Variants in PCDHGA10 observed in about 807,000 individuals in gnomAD.
PCDHGA10 encodes the protein protocadherin gamma subfamily A, 10, also known as protocadherin gamma-A10.
In PCDHGA10, 42 loss-of-function variants were observed where a neutral mutation model predicts 59.5. The ratio of observed to expected loss-of-function variants is 0.71; its 90% CI spans 0.55 to 0.91. The LOEUF (loss-of-function observed/expected upper bound fraction) is 0.91, where lower values mean the gene tolerates loss of function less well. Ranked by LOEUF, PCDHGA10 falls within the 40% of genes least tolerant of loss-of-function variation. The pLI is 0.00. For missense variants in PCDHGA10, 1,111 were observed against 1,198.2 expected, an observed-to-expected ratio of 0.93 and a Z score of 1.07; for synonymous variants, 511 against 517.2, an observed-to-expected ratio of 0.99 and a Z score of 0.16.
At chr5:141,484,054 G>A (rs1192214731) in intron 1 of PCDHGA10, among the ~76,000 whole-genome samples, 4 of 152,044 alleles carry the variant, frequency 2.6e-5, no homozygotes, top group African/African-American at 9.7e-5. Flanking sequence ...AGGTCCCCTG[G>A]GGCTAAGTGA....
At chr5:141,468,330 C>CAAAAA (rs533390277) in intron 1 of PCDHGA10, 4 of 79,848 alleles carry the variant, frequency 5.0e-5, no homozygotes, top group African/African-American at 7.8e-5. Context: ...AACTCCATCT[C>CAAAAA]AAAAAAAAAA....
chr5:141,486,100 C>G lies in PCDHGA10; in HGVS notation c.2437-8707C>G. Reference sequence around the variant, plus strand: ...AGCTTACTCTTTTGGGGCCCCTAGACTTTGAGAGTGAGAATTACTATGAAT... The same window carrying G: ...AGCTTACTCTTTTGGGGCCCCTAGAGTTTGAGAGTGAGAATTACTATGAAT... On this transcript the variant is annotated intron_variant, in intron 1 of 3. Transcript: ENST00000398610. This position sits in a 1 kb window ranked among gnomAD's most constrained non-coding sequence, Gnocchi z 5.0. 1 of 1,614,190 alleles carries G rather than the reference C, an allele frequency of 6.2e-7. No individual in the cohort carries two copies. The highest frequency in any genetic ancestry group is 1.1e-5 in the South Asian group (1 of 91,086).
rs978782104 is a variant in PCDHGA10 at position 141,431,445 on chromosome 5, G to C, written c.2436+15834G>C. 1 of 1,613,742 alleles carries C rather than the reference G, an allele frequency of 6.2e-7. No homozygotes were observed. On this transcript the variant is annotated intron_variant, in intron 1 of 3. Transcript: ENST00000398610. This position sits in a 1 kb window ranked among gnomAD's most constrained non-coding sequence, Gnocchi z 4.8. ...GTGCGCACAGGCACCGCGCGCATCC[G>C]CGTGATGGTTCTGGATGCGAACGAC...
chr5:141,474,993 C>A (rs1313232385), intron 1 of PCDHGA10, among the ~76,000 whole-genome samples: 24 of 152,324 alleles, frequency 1.6e-4, no homozygotes. Context: ...GACAACAATT[C>A]TAAATGCAGA....
intron 1 of PCDHGA10, among the ~76,000 whole-genome samples, chr5:141,457,920 C>T (rs1340816332): frequency 6.6e-6 from 1 of 150,868 alleles, no homozygotes; most frequent in Non-Finnish European, 1.5e-5. Flanking sequence ...GCCAGTTCTC[C>T]CCAAGGGGCT....
chr5:141,421,280 G>T (rs564480755), intron 1 of PCDHGA10: 1 of 1,612,948 alleles, frequency 6.2e-7, no homozygotes, highest in African/African-American at 1.3e-5. Context: ...CTGCTGCTGT[G>T]CATTTTCCTG....
chr5:141,494,820 AC>A lies in PCDHGA10; in HGVS notation c.2451del (p.Asn817LysfsTer39). 6.2e-7 allele frequency: 1 copy of A among 1,613,988 alleles called. No homozygotes were observed. The highest frequency in any genetic ancestry group is 2.2e-5 in the East Asian group (1 of 44,874). On this transcript the variant is annotated frameshift_variant, in exon 2 of 4. Coordinates refer to ENST00000398610, the MANE Select transcript of PCDHGA10 (RefSeq NM_018913.3). LOFTEE classifies it high-confidence loss of function. ...TTTTCTCCACAGCAAGCCCCGCCCA[AC>A]ACGGACTGGCGTTTCTCTCAGGCCC... ...DTPLVPQAPP[N>X]TDWRFSQAQR...
rs1342473418 is a variant in PCDHGA10, at chr5:141,477,702, A to G, written c.2437-17105A>G. On this transcript the variant is annotated intron_variant, in intron 1 of 3. Transcript: ENST00000398610. The surrounding 1 kb of genome is among the most constrained non-coding windows in gnomAD (Gnocchi z 4.9). Reference sequence around the variant, plus strand: ...TCCTTAGTGCCCCTAGACTATGAGGATCGGCGGGAATTTGAATTAACAGCT... The same window carrying G: ...TCCTTAGTGCCCCTAGACTATGAGGGTCGGCGGGAATTTGAATTAACAGCT... The G allele has an allele frequency of 1.9e-6, 3 of 1,613,924 alleles. No individual in the cohort carries two copies. Among genetic ancestry groups the G allele is most frequent in the Non-Finnish European group, 2.5e-6 (3 of 1,180,044 alleles).
Position 141,422,179 on chromosome 5 carries a change from A to G in PCDHGA10, c.2436+6568A>G, listed in dbSNP as rs757086661. The G allele has an allele frequency of 2.0e-5, 32 of 1,562,402 alleles. No homozygotes were observed. Among genetic ancestry groups the G allele is most frequent in the Non-Finnish European group, 2.6e-5 (30 of 1,159,048 alleles). ...TTTTGAAAAATATAGATTCTATGAG[A>G]TGGAAATTCAAGGCCAAGATGGTGG... is the stretch of plus-strand genomic sequence containing the variant. On this transcript the variant is annotated intron_variant, in intron 1 of 3. Coordinates refer to ENST00000398610, the MANE Select transcript of PCDHGA10 (RefSeq NM_018913.3).
Position 141,476,901 on chromosome 5 carries a change from G to A in PCDHGA10, c.2437-17906G>A, listed in dbSNP as rs1466086788. The A allele has an allele frequency of 1.9e-6, 3 of 1,613,782 alleles. No individual in the cohort carries two copies. The African/African-American group carries it at 4.0e-5, about 22-fold the overall frequency. On this transcript the variant is annotated intron_variant, in intron 1 of 3. Coordinates refer to ENST00000398610, the MANE Select transcript of PCDHGA10 (RefSeq NM_018913.3). The surrounding 1 kb of genome is among the most constrained non-coding windows in gnomAD (Gnocchi z 7.6). ...CTGGAGGATGCACCCTCCGGCACGC[G>A]CGTGGTACAAGTCCTTGCAACGGAT...
rs200519543 is a variant in PCDHGA10, at chr5:141,439,190, C to CAA, written c.2436+23593_2436+23594dup. 3.7e-3 allele frequency among the ~76,000 whole-genome samples: 409 copies of CAA among 111,790 alleles called. 4 individuals are homozygous for CAA. The highest frequency in any genetic ancestry group is 0.029 in the East Asian group (112 of 3,852). The allele number at this position is 111,790 out of a possible 152,430, so 73.3% of individuals were successfully genotyped here. A position where few individuals can be genotyped will look rare whatever the true frequency, so the allele number is the denominator to read the frequency against. On this transcript the variant is annotated intron_variant, in intron 1 of 3. Transcript: ENST00000398610. Reference sequence around the variant, plus strand: ...CCTGGGCGACATAGTGAGACTCTGACAAAAAAAAAAAAAAATCCATATGTG... The same window carrying CAA: ...CCTGGGCGACATAGTGAGACTCTGACAAAAAAAAAAAAAAAAATCCATATGTG...
At position 141,432,370 on chromosome 5, in the gene PCDHGA10, C is replaced by A. The variant is rs1362496624; in HGVS notation, c.2436+16759C>A. On this transcript the variant is annotated intron_variant, in intron 1 of 3. Transcript: ENST00000398610. The surrounding 1 kb of genome is among the most constrained non-coding windows in gnomAD (Gnocchi z 6.0). Reference sequence around the variant, plus strand: ...AAGTGAAAGTGATGGCGCGGGACAACGGGCACCCGCCCCTCAGCAGCAACG... The same window carrying A: ...AAGTGAAAGTGATGGCGCGGGACAAAGGGCACCCGCCCCTCAGCAGCAACG... The A allele has an allele frequency of 6.2e-7, 1 of 1,614,240 alleles. No homozygotes were observed. The highest frequency in any genetic ancestry group is 8.5e-7 in the Non-Finnish European group (1 of 1,180,048).
At chr5:141,419,505 G>C in intron 1 of PCDHGA10, 1 of 1,612,324 alleles carries the variant, frequency 6.2e-7, no homozygotes, top group Non-Finnish European at 8.5e-7. Flanking sequence ...GTGAGCCTGC[G>C]CGTGTTGGTG....
In PCDHGA10 at chr5:141,414,633, A is replaced by C. The variant is rs1368963927; in HGVS notation, c.1458A>C (p.Lys486Asn). 1 of 1,613,988 alleles carries C rather than the reference A, an allele frequency of 6.2e-7. No homozygotes were observed. Among genetic ancestry groups the C allele is most frequent in the South Asian group, 1.1e-5 (1 of 91,076 alleles). ...TGACAGCGCTGGACCCGGACAGCAA[A>C]GAGAATGCCCAGATTATTTACTCCC... ...FSVTALDPDS[K>N]ENAQIIYSLA... Residue 486 changes from lysine to asparagine, a missense_variant, in exon 1 of 4, where the codon AAA (lysine) becomes AAC (asparagine). By Grantham distance (94) the Lys-to-Asn change is moderately conservative (BLOSUM62 0). Coordinates refer to ENST00000398610, the MANE Select transcript of PCDHGA10 (RefSeq NM_018913.3).
rs774271747 is a variant in PCDHGA10 at position 141,485,866 on chromosome 5, C to A, written c.2437-8941C>A. On this transcript the variant is annotated intron_variant, in intron 1 of 3. Coordinates refer to ENST00000398610, the MANE Select transcript of PCDHGA10 (RefSeq NM_018913.3). The surrounding 1 kb of genome is among the most constrained non-coding windows in gnomAD (Gnocchi z 5.7). Reference sequence around the variant, plus strand: ...CTGGCACCGCAGAGCTCCGGGTATCCGTGCTGGACGTAAACGACAACGCCC... The same window carrying A: ...CTGGCACCGCAGAGCTCCGGGTATCAGTGCTGGACGTAAACGACAACGCCC... 2 of 1,614,144 alleles carry A rather than the reference C, an allele frequency of 1.2e-6. No homozygotes were observed. Among genetic ancestry groups the A allele is most frequent in the South Asian group, 1.1e-5 (1 of 91,074 alleles).
At chr5:141,423,471 G>A in intron 1 of PCDHGA10, 1 of 1,614,052 alleles carries the variant, frequency 6.2e-7, no homozygotes, top group South Asian at 1.1e-5. Context: ...ACGGGGTACA[G>A]GCTTTCCTGC....
intron 1 of PCDHGA10, chr5:141,419,779 G>A (rs1439735185): frequency 1.2e-6 from 2 of 1,614,064 alleles, no homozygotes; most frequent in Non-Finnish European, 8.5e-7. Flanking sequence ...CGGTCCGCCA[G>A]CGCCTGCTAG....
In PCDHGA10 at chr5:141,423,718, A is replaced by G. The variant is rs1450410707; in HGVS notation, c.2436+8107A>G. The G allele has an allele frequency of 4.8e-6, 5 of 1,049,028 alleles. No homozygotes were observed. In the East Asian group the frequency reaches 2.9e-4, roughly 60 times the overall value. 65.0% of individuals were successfully genotyped at this position (1,049,028 alleles called of 1,614,324 possible). On this transcript the variant is annotated intron_variant, in intron 1 of 3. Coordinates refer to ENST00000398610, the MANE Select transcript of PCDHGA10 (RefSeq NM_018913.3). The stretch of plus-strand genomic sequence containing the variant: ...GTGTCTTGGCACAAGTCTTTTAAGG[A>G]GATGTTTTTTGAGCCTGTTATGAAA...
At chr5:141,455,837 AT>A (rs2098833014) in intron 1 of PCDHGA10, among the ~76,000 whole-genome samples, 2 of 151,422 alleles carry the variant, frequency 1.3e-5, no homozygotes, top group African/African-American at 4.8e-5. Context: ...TTTCCTGTCT[AT>A]CTGCATAAAA....
Sources: allele counts gnomAD v4.1 joint callset (sites outside exome capture counted in the v4.1 genomes callset), GRCh38; gene constraint gnomAD v4.1.1; non-coding constraint Gnocchi (gnomAD v3.1); transcripts MANE v1.5; gene names NCBI Gene and HGNC (gene_info 2026-07-23, HGNC 2026-07-21).